Variants in TCF4 observed in about 807,000 individuals in gnomAD.
TCF4 encodes transcription factor 4.
Under a neutral mutation model 82.1 loss-of-function variants are expected in TCF4, and 3 were observed. That is an observed-to-expected ratio of 0.04 (90% CI 0.02 to 0.09). The LOEUF (loss-of-function observed/expected upper bound fraction) is 0.09. Among genes scored for constraint, TCF4 ranks in the 10% least tolerant of loss-of-function variants. The pLI, the probability that TCF4 is intolerant of heterozygous loss-of-function variation, is 1.00. For synonymous variants in TCF4, 276 were observed against 309.6 expected (o/e 0.89, Z 1.14); for missense variants, 518 against 852.7 (o/e 0.61, Z 4.89).
At position 55,371,756 on chromosome 18, in the gene TCF4, A is replaced by G. The variant is rs529555014; in HGVS notation, c.370-20753T>C. Among the ~76,000 whole-genome samples, 9 of 152,236 alleles carry G rather than the reference A, an allele frequency of 5.9e-5. No individual in the cohort carries two copies. In the South Asian group the frequency reaches 8.3e-4, roughly 14 times the overall value. ...TCCTCTGCACCTAGCACGTGTCTCAAACATGCATGGAACTGAAATCCACCC... is the reference window on the plus strand; with the variant it reads ...TCCTCTGCACCTAGCACGTGTCTCAGACATGCATGGAACTGAAATCCACCC... On this transcript the variant is annotated intron_variant, in intron 6 of 19. Coordinates refer to ENST00000354452, the MANE Select transcript of TCF4 (RefSeq NM_001083962.2).
intron 3 of TCF4, among the ~76,000 whole-genome samples, chr18:55,540,739 G>A (rs1183373833): frequency 6.6e-6 from 1 of 151,878 alleles, no homozygotes; most frequent in Non-Finnish European, 1.5e-5. Flanking sequence ...AAAGCAAAGG[G>A]CATAACTTTT....
intron 3 of TCF4, among the ~76,000 whole-genome samples, chr18:55,487,219 G>A (rs1211079951): frequency 6.6e-6 from 1 of 152,026 alleles, no homozygotes; most frequent in Non-Finnish European, 1.5e-5. Context: ...CCTCAACCTG[G>A]AAAACATTCT....
chr18:55,287,844 T>C (rs2064051280), intron 8 of TCF4, among the ~76,000 whole-genome samples: 1 of 152,170 alleles, frequency 6.6e-6, no homozygotes, highest in Non-Finnish European at 1.5e-5. Flanking sequence ...TCCTCTTATG[T>C]TTTTCATATA....
intron 6 of TCF4, among the ~76,000 whole-genome samples, chr18:55,359,760 A>G (rs2084610490): frequency 6.6e-6 from 1 of 152,226 alleles, no homozygotes; most frequent in Admixed American, 6.5e-5. Flanking sequence ...AATATGCAAA[A>G]GGCTCAATGC....
At chr18:55,250,168 T>C (rs2054577032) in intron 15 of TCF4, among the ~76,000 whole-genome samples, 1 of 152,168 alleles carries the variant, frequency 6.6e-6, no homozygotes, top group Non-Finnish European at 1.5e-5. Context: ...GAAAAATAAC[T>C]TGATAACTTA....
rs901650870 is a variant in TCF4, at chr18:55,394,248, A to G, written c.369+9206T>C. The stretch of plus-strand genomic sequence containing the variant: ...CTCAGGATATTCTGTGTGCTTGCAC[A>G]GTAAAACCCCAACACACAGAGACCC... On this transcript the variant is annotated intron_variant, in intron 6 of 19. Transcript: ENST00000354452. 4.5e-4 allele frequency among the ~76,000 whole-genome samples: 68 copies of G among 152,236 alleles called. 3 individuals are homozygous for G.
chr18:55,257,429 C>T (rs2057122580), intron 13 of TCF4, 38 bp from the exon 14 acceptor site: 2 of 1,601,410 alleles, frequency 1.2e-6, no homozygotes, highest in Non-Finnish European at 8.6e-7. Flanking sequence ...GATCTAGACA[C>T]ATGTAAAAAG....
chr18:55,358,163 A>G (rs2084070881), intron 6 of TCF4, among the ~76,000 whole-genome samples: 1 of 152,238 alleles, frequency 6.6e-6, no homozygotes, highest in South Asian at 2.1e-4. Flanking sequence ...TTAACTTTCT[A>G]CAGTGCCTGG....
At chr18:55,352,282 G>C (rs2082468613) in intron 6 of TCF4, among the ~76,000 whole-genome samples, 1 of 151,982 alleles carries the variant, frequency 6.6e-6, no homozygotes, top group Non-Finnish European at 1.5e-5. Context: ...GAAAGCAGTT[G>C]GTCAAATATG....
intron 2 of TCF4, chr18:55,585,930 T>C: frequency 8.0e-7 from 1 of 1,249,402 alleles, no homozygotes; most frequent in Non-Finnish European, 1.0e-6. Flanking sequence ...TCGACCCTAA[T>C]TGGTTTCCCT....
chr18:55,333,739 T>C (rs1044269463), intron 8 of TCF4, among the ~76,000 whole-genome samples: 3 of 152,200 alleles, frequency 2.0e-5, no homozygotes, highest in Non-Finnish European at 2.9e-5. Context: ...ATCCCTTTTG[T>C]TGTTTTCAAG....
At chr18:55,401,445 G>A (rs1211304349) in intron 6 of TCF4, 3 of 1,053,040 alleles carry the variant, frequency 2.8e-6, no homozygotes, top group African/African-American at 3.4e-5. Context: ...AGCATATGCA[G>A]TCATAGTGCT....
chr18:55,390,302 A>AG (rs2092968701), intron 6 of TCF4, among the ~76,000 whole-genome samples: 3 of 150,144 alleles, frequency 2.0e-5, no homozygotes, highest in African/African-American at 7.4e-5. Context: ...AAAAAAAAAA[A>AG]AAAAAAAAGA....
chr18:55,624,785 G>C (rs1439302235), intron 2 of TCF4, among the ~76,000 whole-genome samples: 1 of 152,052 alleles, frequency 6.6e-6, no homozygotes, highest in African/African-American at 2.4e-5. Context: ...AACTCCTTGA[G>C]ATAGCCATCT....
At chr18:55,249,964 T>C (rs1308493602) in intron 15 of TCF4, among the ~76,000 whole-genome samples, 3 of 152,130 alleles carry the variant, frequency 2.0e-5, no homozygotes, top group Admixed American at 6.5e-5. Flanking sequence ...ATCTGGAAAA[T>C]TGCCCTTTCC....
At chr18:55,545,739 C>T (rs1192829519) in intron 3 of TCF4, among the ~76,000 whole-genome samples, 1 of 152,080 alleles carries the variant, frequency 6.6e-6, no homozygotes, top group African/African-American at 2.4e-5. Flanking sequence ...CGTGAGACAC[C>T]ACGCCCGGCG....
At chr18:55,431,277 T>C (rs977525451) in intron 5 of TCF4, among the ~76,000 whole-genome samples, 1 of 152,136 alleles carries the variant, frequency 6.6e-6, no homozygotes, top group African/African-American at 2.4e-5. Context: ...TTCCACCTTC[T>C]TTCTTGTTTT....
intron 3 of TCF4, among the ~76,000 whole-genome samples, chr18:55,480,820 T>G (rs1476492725): frequency 6.6e-6 from 1 of 152,188 alleles, no homozygotes; most frequent in East Asian, 1.9e-4. Context: ...TGGTGGCTTA[T>G]GGGCCGGGTG....
At chr18:55,443,977 T>C (rs527828689) in intron 5 of TCF4, among the ~76,000 whole-genome samples, 3 of 152,158 alleles carry the variant, frequency 2.0e-5, no homozygotes, top group Non-Finnish European at 4.4e-5. Context: ...AAACTGTGAC[T>C]CAGAGAAAGC....
Sources: allele counts gnomAD v4.1 joint callset (sites outside exome capture counted in the v4.1 genomes callset), GRCh38; gene constraint gnomAD v4.1.1; transcripts MANE v1.5; gene names NCBI Gene and HGNC (gene_info 2026-07-23, HGNC 2026-07-21).